Variants in IPO7 observed in about 807,000 individuals in gnomAD.
IPO7 encodes the protein importin-7.
A neutral mutation model predicts 136.4 loss-of-function variants in IPO7; 13 were observed. The ratio of observed to expected loss-of-function variants is 0.10; its 90% CI spans 0.06 to 0.15. The LOEUF (loss-of-function observed/expected upper bound fraction) is 0.15, where lower values mean the gene tolerates loss of function less well. Among genes scored for constraint, IPO7 ranks in the 10% least tolerant of loss-of-function variants. The pLI, the probability that IPO7 is intolerant of heterozygous loss-of-function variation, is 1.00. For synonymous variants in IPO7, 403 were observed against 404.4 expected (o/e 1.00, Z 0.04); for missense variants, 857 against 1,240.6 (o/e 0.69, Z 4.65).
At chr11:9,424,460 A>G (rs1345371908) in intron 10 of IPO7, among the ~76,000 whole-genome samples, 1 of 152,134 alleles carries the variant, frequency 6.6e-6, no homozygotes. Flanking sequence ...TAATTTTCAC[A>G]GGCCAGGTGC....
At chr11:9,422,194 A>C (rs929664768) in intron 8 of IPO7, among the ~76,000 whole-genome samples, 10 of 151,980 alleles carry the variant, frequency 6.6e-5, no homozygotes, top group African/African-American at 2.4e-4. Context: ...CAGGAGAATC[A>C]CTTGAACCCA....
At chr11:9,402,977 G>A (rs528046203) in intron 1 of IPO7, 32 of 272,598 alleles carry the variant, frequency 1.2e-4, no homozygotes, top group South Asian at 1.1e-3. Context: ...AGCCAAGATT[G>A]CGTCACTGCA....
intron 23 of IPO7, 36 bp downstream of exon 23, chr11:9,440,697 G>T: frequency 6.9e-7 from 1 of 1,439,648 alleles, no homozygotes; most frequent in South Asian, 1.1e-5. Flanking sequence ...CCATTTCATT[G>T]AACAAATCTG....
chr11:9,397,722 A>G (rs1468736661), intron 1 of IPO7, among the ~76,000 whole-genome samples: 2 of 152,086 alleles, frequency 1.3e-5, no homozygotes, highest in African/African-American at 2.4e-5. Context: ...TTGGCTATAC[A>G]TCGTTTACAC....
chr11:9,419,559 A>AAAATAT (rs1256216265), intron 6 of IPO7, among the ~76,000 whole-genome samples: 24 of 116,842 alleles, frequency 2.1e-4, no homozygotes, highest in African/African-American at 6.0e-4. Context: ...AAAAAAAAAA[A>AAAATAT]ATATATATAT....
chr11:9,397,341 A>AAAAAAAAAAAAAAAAAATATATATATAT, intron 1 of IPO7, among the ~76,000 whole-genome samples: 2 of 10,762 alleles, frequency 1.9e-4, no homozygotes, highest in Non-Finnish European at 3.7e-4. Context: ...TTTAAAAAAA[A>AAAAAAAAAAAAAAAAAATATATATATAT]ATATATATAT....
chr11:9,392,367 G>A, intron 1 of IPO7: 1 of 258,696 alleles, frequency 3.9e-6, no homozygotes, highest in South Asian at 3.3e-5. Context: ...AGTAGAGACG[G>A]GGTTTCTCCA....
chr11:9,389,959 G>A (rs193076570), intron 1 of IPO7, among the ~76,000 whole-genome samples: 14 of 152,282 alleles, frequency 9.2e-5, no homozygotes, highest in Admixed American at 7.2e-4. Flanking sequence ...GTTTCACCAT[G>A]TTGGCCAGCC....
chr11:9,417,920 C>T (rs893897594), intron 6 of IPO7, among the ~76,000 whole-genome samples: 18 of 151,880 alleles, frequency 1.2e-4, no homozygotes, highest in Non-Finnish European at 7.4e-5. Flanking sequence ...ACCATGTTGG[C>T]CAGGCTGGTC....
At chr11:9,429,234 G>T in intron 14 of IPO7, 38 bp downstream of exon 14, 1 of 1,553,688 alleles carries the variant, frequency 6.4e-7, no homozygotes, top group Non-Finnish European at 8.8e-7. Flanking sequence ...GTGAATGTTG[G>T]CCAGGTGCGG....
intron 4 of IPO7, among the ~76,000 whole-genome samples, chr11:9,410,891 C>G (rs953625435): frequency 6.6e-6 from 1 of 152,132 alleles, no homozygotes; most frequent in Non-Finnish European, 1.5e-5. Context: ...CATTGTGACC[C>G]CTCTAATTCT....
chr11:9,422,794 C>A (rs576681541), intron 8 of IPO7, among the ~76,000 whole-genome samples: 43 of 151,736 alleles, frequency 2.8e-4, no homozygotes, highest in African/African-American at 7.7e-4. Context: ...ACAACAACAA[C>A]AAAAAAAACC....
intron 1 of IPO7, among the ~76,000 whole-genome samples, chr11:9,388,383 G>T (rs1854581682): frequency 6.6e-6 from 1 of 151,750 alleles, no homozygotes; most frequent in African/African-American, 2.4e-5. Context: ...TACCATGTTG[G>T]CCAGGCTGGT....
intron 1 of IPO7, among the ~76,000 whole-genome samples, chr11:9,388,859 G>A (rs904844201): frequency 2.0e-5 from 3 of 151,994 alleles, no homozygotes; most frequent in Non-Finnish European, 2.9e-5. Flanking sequence ...GTGCTACCAC[G>A]CCTGGCCTAA....
rs975374985 is a variant in IPO7, at chr11:9,414,396, C to T, written c.621C>T (p.Phe207=). ...TCCAGAAACAGATATTCAAGATCTT[C>T]TATGCTCTTGTTCAGGTAATATCTG... is the stretch of plus-strand genomic sequence containing the variant. ...VLIQKQIFKI[F]YALVQYTLPL... is the part of the protein sequence containing the mutation. The change falls in exon 5 of 25, where the codon TTC becomes TTT. Residue 207 remains phenylalanine (F), a synonymous_variant. Coordinates refer to ENST00000379719, the MANE Select transcript of IPO7 (RefSeq NM_006391.3). The T allele has an allele frequency of 1.9e-6, 3 of 1,605,386 alleles. No homozygotes were observed. In the African/African-American group the frequency reaches 4.0e-5, roughly 22 times the overall value.
At chr11:9,394,778 C>T (rs537107487) in intron 1 of IPO7, among the ~76,000 whole-genome samples, 46 of 152,184 alleles carry the variant, frequency 3.0e-4, no homozygotes, top group Admixed American at 9.8e-4. Flanking sequence ...TAGTGTCTGG[C>T]GCATTGTCAG....
intron 1 of IPO7, among the ~76,000 whole-genome samples, chr11:9,393,719 C>T (rs961869057): frequency 6.6e-6 from 1 of 151,798 alleles, no homozygotes; most frequent in Admixed American, 6.6e-5. Context: ...AATAAATTCT[C>T]TACCAAAGAG....
intron 6 of IPO7, among the ~76,000 whole-genome samples, chr11:9,419,559 A>AAATATAT (rs1256216265): frequency 3.9e-4 from 46 of 116,850 alleles, no homozygotes; most frequent in Non-Finnish European, 5.0e-4. Flanking sequence ...AAAAAAAAAA[A>AAATATAT]ATATATATAT....
chr11:9,413,605 A>G (rs571534308), intron 4 of IPO7, among the ~76,000 whole-genome samples: 1 of 152,204 alleles, frequency 6.6e-6, no homozygotes, highest in African/African-American at 2.4e-5. Context: ...ACTGAGAAAG[A>G]TAGTTAATTT....
Sources: gnomAD v4.1 joint callset for allele counts (sites outside exome capture counted in the v4.1 genomes callset) on GRCh38, gnomAD v4.1.1 for gene constraint, MANE v1.5 for transcripts, NCBI Gene and HGNC (gene_info 2026-07-23, HGNC 2026-07-21) for gene names.